The following TTN variants were observed in gnomAD, a reference collection of about 807,000 sequenced individuals.
TTN encodes the protein connectin.
In TTN, 1,525 loss-of-function variants were observed where a neutral mutation model predicts 3,223.0. That is an observed-to-expected ratio of 0.47 (90% CI 0.45 to 0.49). The LOEUF is 0.49. Ranked by LOEUF, TTN falls within the 20% of genes least tolerant of loss-of-function variation. The pLI is 0.00. For missense variants in TTN, 40,786 were observed against 43,424.0 expected (o/e 0.94, Z 5.40); for synonymous variants, 14,094 against 15,161.0 (o/e 0.93, Z 5.17).
chr2:178,583,015 C>T lies in TTN; in HGVS notation c.65788G>A (p.Asp21930Asn). The T allele has an allele frequency of 1.2e-6, 2 of 1,605,614 alleles. No individual in the cohort carries two copies. Among genetic ancestry groups the T allele is most frequent in the Non-Finnish European group, 1.7e-6 (2 of 1,175,052 alleles). ...GCAGTAATGGTATAGTCTCCTGAGT[C>T]CTTCCGGTTCACGCTGAATAGCTCC... Reference protein sequence around the residue: ...TLELFSVNRKDSGDYTITAEN... With the variant: ...TLELFSVNRKNSGDYTITAEN... Residue 21930 changes from aspartate to asparagine, a missense_variant, in exon 313 of 363, where the codon GAC becomes AAC. Asp to Asn is a conservative substitution (Grantham distance 23). Transcript: ENST00000589042.
rs751068189 is a variant in TTN at position 178,562,599 on chromosome 2, C to T, written c.83533G>A (p.Glu27845Lys). The T allele has an allele frequency of 6.2e-7, 1 of 1,610,740 alleles. No homozygotes were observed. The highest frequency in any genetic ancestry group is 8.5e-7 in the Non-Finnish European group (1 of 1,178,804). ...TCAGCTGGCAAACCAATCCCATATT[C>T]ATTGGAAGCCAAGACTCGGAAGTAG... ...SYYFRVLASN[E>K]YGIGLPAETT... Residue 27845 changes from glutamate to lysine, a missense_variant, in exon 326 of 363, where the codon GAA becomes AAA. Glu to Lys is a moderately conservative substitution (Grantham distance 56). Transcript: ENST00000589042.
chr2:178,538,562 C>T lies in TTN; in HGVS notation c.99267G>A (p.Met33089Ile). 6.2e-7 allele frequency: 1 copy of T among 1,612,582 alleles called. No individual in the cohort carries two copies. Among genetic ancestry groups the T allele is most frequent in the South Asian group, 1.1e-5 (1 of 90,868 alleles). Reference protein sequence around the residue: ...TGLSRPRRTAMSIKTKLTSGE... With the variant: ...TGLSRPRRTAISIKTKLTSGE... ...TACATGTGAGTTTAGTCTTTATAGA[C>T]ATAGCAGTTCTGCGAGGTCTGCTCA... is the stretch of plus-strand genomic sequence containing the variant. Residue 33089 changes from methionine to isoleucine, a missense_variant, in exon 354 of 363, where the codon ATG (methionine) becomes ATA (isoleucine). Met to Ile is a conservative substitution (Grantham distance 10). Transcript: ENST00000589042.
chr2:178,774,326 G>A lies in TTN; in HGVS notation c.6938C>T (p.Thr2313Ile). Residue 2313 changes from threonine to isoleucine, a missense_variant, in exon 30 of 363, where the codon ACA (threonine) becomes ATA (isoleucine). Transcript: ENST00000589042. ...DVELKSNGKYTITSRRGRQNL... is the reference protein window; with the variant it reads ...DVELKSNGKYIITSRRGRQNL... The stretch of plus-strand genomic sequence containing the variant: ...CTGACGTCCACGACGAGATGTAATT[G>A]TATATTTGCCATTGGATTTAAGCTC... 1.2e-6 allele frequency: 2 copies of A among 1,614,030 alleles called. No homozygotes were observed. The highest frequency in any genetic ancestry group is 1.1e-5 in the South Asian group (1 of 91,076).
At chr2:178,752,044 A>T (rs1574306414) in intron 47 of TTN, 3 of 45,110 alleles carry the variant, frequency 6.7e-5, no homozygotes, top group Non-Finnish European at 5.8e-5. Flanking sequence ...ATAATTCTGG[A>T]AAAAAAAAAA....
In TTN at chr2:178,725,502, A is replaced by G. The variant is rs770055282; in HGVS notation, c.20702T>C (p.Ile6901Thr). 2.6e-5 allele frequency: 42 copies of G among 1,613,276 alleles called. 1 individual carries two copies. The South Asian group carries it at 4.1e-4, about 16-fold the overall frequency. The stretch of plus-strand genomic sequence containing the variant: ...AACATTTTCCACAAATGTAATCCTG[A>G]TGTTTTCACTTTCTCTAATCACTTC... The part of the protein sequence containing the change: ...KEEVIRESEN[I>T]RITFVENVAT... Residue 6901 changes from isoleucine (I) to threonine (T), a missense_variant, in exon 71 of 363, where the codon ATC becomes ACC. Ile to Thr is a moderately conservative substitution (Grantham distance 89, BLOSUM62 -1). Coordinates refer to ENST00000589042, the MANE Select transcript of TTN (RefSeq NM_001267550.2).
intron 361 of TTN, 184 bp downstream of exon 361, chr2:178,528,090 T>C (rs999263987): frequency 3.0e-6 from 2 of 659,674 alleles, no homozygotes; most frequent in South Asian, 2.8e-5. Flanking sequence ...AAATGTAATC[T>C]ATCCAAGTTT....
At chr2:178,767,332 T>G (rs542459999) in intron 40 of TTN, among the ~76,000 whole-genome samples, 3 of 152,354 alleles carry the variant, frequency 2.0e-5, no homozygotes, top group South Asian at 4.1e-4. Flanking sequence ...TCTCTTAGAC[T>G]TCACAGAAAG....
chr2:178,761,056 G>A (rs1244103097), intron 43 of TTN: 1 of 152,250 alleles, frequency 6.6e-6, no homozygotes, highest in Non-Finnish European at 1.5e-5. Context: ...TGGACTTGGT[G>A]CTTGTGGCTG....
rs753088562 is a variant in TTN, at chr2:178,740,317, C to G, written c.12916G>C (p.Glu4306Gln). The change falls in exon 48 of 363, where the codon GAA becomes CAA. Residue 4306 changes from glutamate (E) to glutamine (Q), a missense_variant. Transcript: ENST00000589042. Reference protein sequence around the residue: ...SCTEGGKILIESANPLENAGQ... With the variant: ...SCTEGGKILIQSANPLENAGQ... ...GCATTTTCCAGTGGATTTGCACTTT[C>G]TATCAAAATTTTACCTCCTTCTGTG... is the stretch of plus-strand genomic sequence containing the variant. The G allele has an allele frequency of 4.3e-6, 7 of 1,613,746 alleles. No homozygotes were observed. The highest frequency in any genetic ancestry group is 5.9e-6 in the Non-Finnish European group (7 of 1,179,808).
At chr2:178,673,999 T>TC (rs1040462889) in intron 151 of TTN, among the ~76,000 whole-genome samples, 1 of 151,158 alleles carries the variant, frequency 6.6e-6, no homozygotes, top group African/African-American at 2.4e-5. Context: ...AGAAATAGAT[T>TC]CCCCCCATAT....
intron 159 of TTN, 103 bp downstream of exon 159, chr2:178,669,268 TTA>T: frequency 2.3e-6 from 2 of 888,168 alleles, no homozygotes; most frequent in South Asian, 3.6e-5. Context: ...TGTTAGGCTT[TTA>T]TAAGAGTTTA....
At position 178,587,574 on chromosome 2, in the gene TTN, G is replaced by C. The variant is rs775346569; in HGVS notation, c.63735C>G (p.Ser21245=). 1.2e-6 allele frequency: 2 copies of C among 1,612,376 alleles called. No homozygotes were observed. Among genetic ancestry groups the C allele is most frequent in the Non-Finnish European group, 1.7e-6 (2 of 1,179,258 alleles). The part of the protein sequence containing the change: ...NSTRDDSGKY[S]LTLVNPAGEK... ...CTCCTGCTGGGTTCACAAGTGTTAA[G>C]GAATATTTTCCTGAGTCATCACGGG... is the stretch of plus-strand genomic sequence containing the variant. The change falls in exon 306 of 363, where the codon TCC becomes TCG. Residue 21245 remains serine, a synonymous_variant. Coordinates refer to ENST00000589042, the MANE Select transcript of TTN (RefSeq NM_001267550.2).
intron 1 of TTN, among the ~76,000 whole-genome samples, chr2:178,806,189 G>T (rs1377652012): frequency 6.6e-6 from 1 of 152,026 alleles, no homozygotes; most frequent in Admixed American, 6.6e-5. Flanking sequence ...ATATCCAAAA[G>T]CTTTCATAAA....
At position 178,779,084 on chromosome 2, in the gene TTN, T is replaced by C. The variant is rs768478889; in HGVS notation, c.3998A>G (p.His1333Arg). 2.5e-6 allele frequency: 4 copies of C among 1,613,964 alleles called. No individual in the cohort carries two copies. The South Asian group carries it at 3.3e-5, about 13-fold the overall frequency. The change falls in exon 24 of 363, where the codon CAT (histidine) becomes CGT (arginine). Residue 1333 changes from histidine to arginine, a missense_variant. Coordinates refer to ENST00000589042, the MANE Select transcript of TTN (RefSeq NM_001267550.2). ...AWYKDGKRIKHGERYQMDFLQ... is the reference protein window; with the variant it reads ...AWYKDGKRIKRGERYQMDFLQ... ...AAAGTCCATTTGGTATCTTTCTCCATGTTTGATGCGCTTGCCATCTTTGTA... is the reference window on the plus strand; with the variant it reads ...AAAGTCCATTTGGTATCTTTCTCCACGTTTGATGCGCTTGCCATCTTTGTA...
chr2:178,684,605 G>T, intron 131 of TTN, 61 bp downstream of exon 131: 1 of 1,529,050 alleles, frequency 6.5e-7, no homozygotes, highest in Non-Finnish European at 8.9e-7. Flanking sequence ...AAGAACAGCA[G>T]CAGAGAGAAA....
Position 178,741,150 on chromosome 2 carries a change from A to G in TTN, c.12083T>C (p.Val4028Ala). ...AGTCATGTCTGTGTCTTCCAGAAGC[A>G]CAAGCAGCTCTGCTGCACAGGTGGA... ...GESTCAAELL[V>A]LLEDTDMTDT... Residue 4028 changes from valine to alanine, a missense_variant, in exon 48 of 363, where the codon GTG (valine) becomes GCG (alanine). Coordinates refer to ENST00000589042, the MANE Select transcript of TTN (RefSeq NM_001267550.2). The G allele has an allele frequency of 6.2e-7, 1 of 1,613,682 alleles. No individual in the cohort carries two copies. The highest frequency in any genetic ancestry group is 8.5e-7 in the Non-Finnish European group (1 of 1,179,840).
chr2:178,641,134 T>G (rs1053881475), intron 220 of TTN, 107 bp downstream of exon 220: 3 of 729,686 alleles, frequency 4.1e-6, no homozygotes, highest in Non-Finnish European at 4.4e-6. Context: ...AGATGAAATA[T>G]GAAGCCATGT....
At position 178,645,909 on chromosome 2, in the gene TTN, G is replaced by T; in HGVS notation, c.40408+11C>A. 1 of 1,515,802 alleles carries T rather than the reference G, an allele frequency of 6.6e-7. No individual in the cohort carries two copies. Among genetic ancestry groups the T allele is most frequent in the Non-Finnish European group, 8.9e-7 (1 of 1,125,874 alleles). The allele number at this position is 1,515,802 out of a possible 1,614,324, so 93.9% of individuals were successfully genotyped here. ...GCAGGCTAATAAAACTTTGGAAGTG[G>T]CATTTTTTACCTTTAAGTTGGAATA... On this transcript the variant is annotated intron_variant, in intron 217 of 362. Coordinates refer to ENST00000589042, the MANE Select transcript of TTN (RefSeq NM_001267550.2).
At chr2:178,555,282 G>T in intron 330 of TTN, 130 bp from the exon 331 acceptor site, 2 of 859,424 alleles carry the variant, frequency 2.3e-6, no homozygotes, top group Non-Finnish European at 3.5e-6. Context: ...ATAATTCTAT[G>T]CAATTATTAT....
Sources: allele counts gnomAD v4.1 joint callset (sites outside exome capture counted in the v4.1 genomes callset), GRCh38; gene constraint gnomAD v4.1.1; transcripts MANE v1.5; gene names NCBI Gene and HGNC (gene_info 2026-07-23, HGNC 2026-07-21).